Variants in WWP2 observed in about 807,000 individuals in gnomAD.
WWP2 encodes NEDD4-like E3 ubiquitin-protein ligase WWP2.
In WWP2, 57 loss-of-function variants were observed where a neutral mutation model predicts 121.0. The observed-to-expected ratio is 0.47, with a 90% CI of 0.38 to 0.59. The LOEUF is 0.59. Ranked by LOEUF, WWP2 falls within the 20% of genes least tolerant of loss-of-function variation. The pLI is 0.00. For missense variants in WWP2, 962 were observed against 1,158.9 expected, an observed-to-expected ratio of 0.83 and a Z score of 2.47; for synonymous variants, 449 against 441.3, an observed-to-expected ratio of 1.02 and a Z score of -0.22.
chr16:69,798,344 T>C (rs4341733), intron 2 of WWP2, among the ~76,000 whole-genome samples: 59,148 of 151,990 alleles, frequency 0.39, 11,706 homozygotes, highest in Admixed American at 0.5. Flanking sequence ...ATTGCAGTCA[T>C]TTAAGAGTGA....
chr16:69,932,382 A>G (rs552692390), intron 16 of WWP2, among the ~76,000 whole-genome samples: 2 of 152,386 alleles, frequency 1.3e-5, no homozygotes, highest in East Asian at 3.9e-4. Context: ...TGGCCAGTCC[A>G]TTGGGCCTGG....
At chr16:69,827,685 G>A (rs2056726280) in intron 4 of WWP2, among the ~76,000 whole-genome samples, 1 of 152,208 alleles carries the variant, frequency 6.6e-6, no homozygotes, top group Non-Finnish European at 1.5e-5. Flanking sequence ...ACTGAGAGAG[G>A]CGGTTGTGGC....
At position 69,937,444 on chromosome 16, in the gene WWP2, C is replaced by A; in HGVS notation, c.2239-104C>A. The A allele has an allele frequency of 1.4e-6, 2 of 1,394,024 alleles. No individual in the cohort carries two copies. The highest frequency in any genetic ancestry group is 1.3e-5 in the South Asian group (1 of 79,434). 86.4% of individuals were successfully genotyped at this position (1,394,024 alleles called of 1,614,324 possible). ...TTACCCATATTATTAACGCTGACAC[C>A]AAAAATAGCTAGTTGAATATGTTTG... On this transcript the variant is annotated intron_variant, in intron 20 of 23. Transcript: ENST00000359154. The surrounding 1 kb of genome is among the most constrained non-coding windows in gnomAD (Gnocchi z 6.6).
chr16:69,869,697 G>T (rs1480537624), intron 6 of WWP2, among the ~76,000 whole-genome samples: 2 of 152,132 alleles, frequency 1.3e-5, no homozygotes, highest in African/African-American at 4.8e-5. Flanking sequence ...AATGAAGGAA[G>T]CTGGAAAAAT....
intron 4 of WWP2, among the ~76,000 whole-genome samples, chr16:69,826,425 AGCCGGGCGTGATG>A (rs1447084784): frequency 2.0e-5 from 3 of 151,794 alleles, no homozygotes; most frequent in African/African-American, 7.3e-5. Flanking sequence ...CAAAAAAATT[AGCCGGGCGTGATG>A]GTGGGTGCTT....
intron 10 of WWP2, among the ~76,000 whole-genome samples, chr16:69,923,116 C>G (rs899572727): frequency 6.6e-6 from 1 of 152,136 alleles, no homozygotes; most frequent in Non-Finnish European, 1.5e-5. Flanking sequence ...TCTCGAACTC[C>G]TGACCTCAAG....
At position 69,931,904 on chromosome 16, in the gene WWP2, C is replaced by T. The variant is rs1597180880; in HGVS notation, c.1682+14C>T. 7 of 1,609,226 alleles carry T rather than the reference C, an allele frequency of 4.3e-6. No individual in the cohort carries two copies. The highest frequency in any genetic ancestry group is 5.9e-6 in the Non-Finnish European group (7 of 1,177,868). On this transcript the variant is annotated intron_variant, in intron 16 of 23. Transcript: ENST00000359154. ...GGGCATCGCCAGGTGAGCTTGAGTG[C>T]CCCGGAAGGCTGCCCTGTACCCCGC...
chr16:69,842,170 A>G, intron 6 of WWP2, 50 bp downstream of exon 6: 2 of 1,555,448 alleles, frequency 1.3e-6, no homozygotes, highest in Non-Finnish European at 1.8e-6. Context: ...GCTTAGAGCT[A>G]TTGAAAACAT....
intron 15 of WWP2, 29 bp downstream of exon 15, chr16:69,931,609 C>T: frequency 1.2e-6 from 2 of 1,613,578 alleles, no homozygotes; most frequent in African/African-American, 2.7e-5. Flanking sequence ...AAACCAGTGG[C>T]AGGCCGACGC....
chr16:69,847,608 A>G (rs1321868286), intron 6 of WWP2, among the ~76,000 whole-genome samples: 1 of 151,644 alleles, frequency 6.6e-6, no homozygotes, highest in Admixed American at 6.6e-5. Flanking sequence ...GGGTTTCTCC[A>G]TGTTGGTCAG....
intron 6 of WWP2, among the ~76,000 whole-genome samples, chr16:69,849,470 T>C (rs1452169697): frequency 7.3e-6 from 1 of 136,732 alleles, no homozygotes; most frequent in Non-Finnish European, 1.6e-5. Flanking sequence ...AAGTGTTATT[T>C]ATTTATTTAT....
intron 6 of WWP2, among the ~76,000 whole-genome samples, chr16:69,864,633 T>G (rs2057485478): frequency 6.6e-6 from 1 of 151,960 alleles, no homozygotes; most frequent in Non-Finnish European, 1.5e-5. Context: ...CACTGCCACC[T>G]TGGCCTCTCG....
intron 8 of WWP2, among the ~76,000 whole-genome samples, 156 bp from the exon 9 acceptor site, chr16:69,908,605 C>T (rs986828132): frequency 3.9e-5 from 6 of 152,258 alleles, no homozygotes; most frequent in African/African-American, 1.4e-4. Flanking sequence ...CACCCTCAGC[C>T]ACAGCAGGAA....
rs2058619351 is a variant in WWP2, at chr16:69,925,044, C to T, written c.1180-386C>T. 9.9e-7 allele frequency: 1 copy of T among 1,006,754 alleles called. No homozygotes were observed. Among genetic ancestry groups the T allele is most frequent in the African/African-American group, 1.7e-5 (1 of 58,070 alleles). 62.4% of individuals were successfully genotyped at this position (1,006,754 alleles called of 1,614,324 possible). A position where few individuals can be genotyped will look rare whatever the true frequency, so the allele number is the denominator to read the frequency against. On this transcript the variant is annotated intron_variant, in intron 10 of 23. Coordinates refer to ENST00000359154, the MANE Select transcript of WWP2 (RefSeq NM_001270454.2). The surrounding 1 kb of genome is among the most constrained non-coding windows in gnomAD (Gnocchi z 4.0). The stretch of plus-strand genomic sequence containing the variant: ...TTGGAGGTGGTGGTGATTTCAGTCG[C>T]CTTGGCCGCCTTGAGCCGGAGCTGA...
At chr16:69,909,155 G>C in intron 9 of WWP2, 1 of 1,056,964 alleles carries the variant, frequency 9.5e-7, no homozygotes, top group South Asian at 4.1e-5. Flanking sequence ...TATTCGGCAG[G>C]GCTTCGTGAG....
intron 4 of WWP2, among the ~76,000 whole-genome samples, chr16:69,801,393 G>C (rs1325697937): frequency 6.6e-6 from 1 of 151,488 alleles, no homozygotes; most frequent in Non-Finnish European, 1.5e-5. Flanking sequence ...CGCCACCATG[G>C]CCTGGCTGTA....
Position 69,767,204 on chromosome 16 carries a change from A to G in WWP2, c.-16+4813A>G, listed in dbSNP as rs575919250. Among the ~76,000 whole-genome samples, 7 of 152,344 alleles carry G rather than the reference A, an allele frequency of 4.6e-5. No homozygotes were observed. The East Asian group carries it at 1.3e-3, about 29-fold the overall frequency. On this transcript the variant is annotated intron_variant, in intron 1 of 23. Coordinates refer to ENST00000359154, the MANE Select transcript of WWP2 (RefSeq NM_001270454.2). The stretch of plus-strand genomic sequence containing the variant: ...GGGTTGGCATCCAGTTTAGGCCTCC[A>G]GGATGGATGGATAATGGGCTTTTTA...
Position 69,917,827 on chromosome 16 carries a change from C to T in WWP2, c.1123C>T (p.Gln375Ter). ...GCGCAACTATGAGCAGTGGCAGTCG[C>T]AGCGGAATCAGCTCCAGGGGGCCAT... ...YVRNYEQWQS[Q>*]RNQLQGAMQH... Residue 375 changes from glutamine (Q) to a stop codon, truncating the protein, a stop_gained, in exon 10 of 24, where the codon CAG becomes TAG. Coordinates refer to ENST00000359154, the MANE Select transcript of WWP2 (RefSeq NM_001270454.2). LOFTEE classifies it high-confidence loss of function. 1 of 1,614,042 alleles carries T rather than the reference C, an allele frequency of 6.2e-7. No homozygotes were observed. The highest frequency in any genetic ancestry group is 8.5e-7 in the Non-Finnish European group (1 of 1,179,852).
intron 9 of WWP2, among the ~76,000 whole-genome samples, chr16:69,911,420 T>G (rs975550467): frequency 3.3e-5 from 5 of 151,946 alleles, no homozygotes; most frequent in African/African-American, 1.2e-4. Flanking sequence ...ATGATCCAGG[T>G]TGGGGGGACA....
Sources: allele counts gnomAD v4.1 joint callset (sites outside exome capture counted in the v4.1 genomes callset), GRCh38; gene constraint gnomAD v4.1.1; non-coding constraint Gnocchi (gnomAD v3.1); transcripts MANE v1.5; gene names NCBI Gene and HGNC (gene_info 2026-07-23, HGNC 2026-07-21).